TBC1D22A: variants seen among roughly 807,000 people sequenced by gnomAD.
TBC1D22A encodes the protein putative GTPase activator.
Under a neutral mutation model 60.2 loss-of-function variants are expected in TBC1D22A, and 38 were observed. The ratio of observed to expected loss-of-function variants is 0.63; its 90% CI spans 0.49 to 0.83. TBC1D22A has a LOEUF of 0.83. Ranked by LOEUF, TBC1D22A falls within the 40% of genes least tolerant of loss-of-function variation. The probability of loss-of-function intolerance (pLI) is 0.00; values close to 1 mark genes in which losing one functional copy is unlikely to be tolerated. For synonymous variants in TBC1D22A, 302 were observed against 281.7 expected, an observed-to-expected ratio of 1.07 and a Z score of -0.72; for missense variants, 628 against 701.0, an observed-to-expected ratio of 0.90 and a Z score of 1.18.
chr22:47,090,252 T>C (rs1569435524), intron 11 of TBC1D22A, among the ~76,000 whole-genome samples: 4 of 152,152 alleles, frequency 2.6e-5, no homozygotes, highest in Admixed American at 6.5e-5. Flanking sequence ...CGCCAGCTCA[T>C]GTCTCCACCC....
rs2074911221 is a variant in TBC1D22A at position 46,990,824 on chromosome 22, G to T, written c.1126-6810G>T. ...GTCTCCCTCCCGCGCCGGCGTTCGT[G>T]ACGGCTCTGCTCCTCGCCGTGTGCG... On this transcript the variant is annotated intron_variant, in intron 9 of 12. Coordinates refer to ENST00000337137, the MANE Select transcript of TBC1D22A (RefSeq NM_014346.5). The surrounding 1 kb of genome is among the most constrained non-coding windows in gnomAD (Gnocchi z 4.6). Among the ~76,000 whole-genome samples, 1 of 152,230 alleles carries T rather than the reference G, an allele frequency of 6.6e-6. No individual in the cohort carries two copies. Among genetic ancestry groups the T allele is most frequent in the African/African-American group, 2.4e-5 (1 of 41,452 alleles).
At chr22:46,767,263 G>A (rs772895727) in intron 1 of TBC1D22A, among the ~76,000 whole-genome samples, 70 of 152,232 alleles carry the variant, frequency 4.6e-4, no homozygotes, top group Non-Finnish European at 8.4e-4. Context: ...TTCTTTTTCC[G>A]GTAGTGGTCT....
At chr22:47,152,885 C>T (rs936479449) in intron 12 of TBC1D22A, among the ~76,000 whole-genome samples, 9 of 151,988 alleles carry the variant, frequency 5.9e-5, no homozygotes, top group African/African-American at 2.2e-4. Flanking sequence ...AAGGGAGACC[C>T]CCTGAGAGCG....
At chr22:46,840,650 T>G (rs1041204193) in intron 4 of TBC1D22A, among the ~76,000 whole-genome samples, 1 of 152,030 alleles carries the variant, frequency 6.6e-6, no homozygotes, top group Admixed American at 6.5e-5. Flanking sequence ...GGAGAATGGC[T>G]TGAACCCAGA....
chr22:47,008,307 C>G (rs2061651423), intron 10 of TBC1D22A, among the ~76,000 whole-genome samples: 1 of 152,188 alleles, frequency 6.6e-6, no homozygotes, highest in South Asian at 2.1e-4. Flanking sequence ...ATCTTGGGGT[C>G]AGGTGCCCTT....
chr22:46,890,073 C>T (rs12168271), intron 5 of TBC1D22A, among the ~76,000 whole-genome samples: 2,202 of 152,268 alleles, frequency 0.014, 67 homozygotes, highest in African/African-American at 0.049. Context: ...AAGGCCGGCA[C>T]GGTGGCCCAC....
chr22:46,819,732 G>C (rs62233850), intron 4 of TBC1D22A, among the ~76,000 whole-genome samples: 152,368 of 152,368 alleles, frequency 1, 76,184 homozygotes, highest in Non-Finnish European at 1. Flanking sequence ...GTTTTGGACT[G>C]AGGATGATGC....
At chr22:46,935,691 G>A (rs973393843) in intron 8 of TBC1D22A, among the ~76,000 whole-genome samples, 10 of 152,226 alleles carry the variant, frequency 6.6e-5, no homozygotes, top group African/African-American at 2.4e-4. Context: ...GAACCAGTTA[G>A]ACTTCCTCCC....
intron 11 of TBC1D22A, among the ~76,000 whole-genome samples, chr22:47,061,167 C>T (rs1001412963): frequency 4.7e-5 from 7 of 148,596 alleles, no homozygotes; most frequent in African/African-American, 1.2e-4. Context: ...GCCCTCACCA[C>T]GGTCCTGGAA....
At chr22:46,947,523 A>C (rs909466149) in intron 8 of TBC1D22A, among the ~76,000 whole-genome samples, 3 of 152,186 alleles carry the variant, frequency 2.0e-5, no homozygotes, top group Non-Finnish European at 4.4e-5. Flanking sequence ...AGGCAGGTCT[A>C]TAGCTGCCCC....
intron 7 of TBC1D22A, among the ~76,000 whole-genome samples, chr22:46,908,675 G>C (rs1178130991): frequency 1.3e-5 from 2 of 152,216 alleles, no homozygotes; most frequent in East Asian, 1.9e-4. Flanking sequence ...GCGTCCCGGA[G>C]TCTGGGTGGG....
In TBC1D22A at chr22:47,100,270, G is replaced by T. The variant is rs556846884; in HGVS notation, c.1330-11238G>T. 1.4e-4 allele frequency among the ~76,000 whole-genome samples: 22 copies of T among 151,802 alleles called. No individual in the cohort carries two copies. In the Middle Eastern group the frequency reaches 0.01, roughly 71 times the overall value. ...TGGAGTGCAAGGGTGAGGCCTCAGGGCACAAGAGTGAGGCTGTGGAGTGCA... is the reference window on the plus strand; with the variant it reads ...TGGAGTGCAAGGGTGAGGCCTCAGGTCACAAGAGTGAGGCTGTGGAGTGCA... On this transcript the variant is annotated intron_variant, in intron 11 of 12. Coordinates refer to ENST00000337137, the MANE Select transcript of TBC1D22A (RefSeq NM_014346.5).
intron 9 of TBC1D22A, among the ~76,000 whole-genome samples, chr22:46,981,511 G>A (rs1187739018): frequency 1.3e-5 from 2 of 152,204 alleles, no homozygotes; most frequent in African/African-American, 4.8e-5. Flanking sequence ...CAGAGACCAG[G>A]TGGAGCTGAT....
intron 8 of TBC1D22A, among the ~76,000 whole-genome samples, chr22:46,957,315 A>G (rs968603975): frequency 2.2e-4 from 33 of 152,226 alleles, no homozygotes; most frequent in South Asian, 2.1e-4. Context: ...ATTATAAAGG[A>G]AAGAGGTTTA....
intron 4 of TBC1D22A, among the ~76,000 whole-genome samples, chr22:46,868,941 G>A (rs1269115201): frequency 1.7e-4 from 17 of 98,548 alleles, no homozygotes; most frequent in Non-Finnish European, 5.5e-5. Context: ...GTAGGAGTAG[G>A]TGGGGGGTGC....
chr22:47,108,187 G>C (rs1208380021), intron 11 of TBC1D22A, among the ~76,000 whole-genome samples: 3 of 152,222 alleles, frequency 2.0e-5, no homozygotes, highest in Admixed American at 1.3e-4. Context: ...TGATCCAGCT[G>C]TTCTATTCCT....
intron 4 of TBC1D22A, among the ~76,000 whole-genome samples, chr22:46,840,282 A>G (rs1010670339): frequency 6.6e-6 from 1 of 152,354 alleles, no homozygotes; most frequent in African/African-American, 2.4e-5. Flanking sequence ...AAATAACCTG[A>G]TGAAAAAGTG....
intron 8 of TBC1D22A, among the ~76,000 whole-genome samples, chr22:46,930,230 ACACTGGTTTTGGTG>A (rs2071279872): frequency 6.6e-6 from 1 of 152,130 alleles, no homozygotes; most frequent in Non-Finnish European, 1.5e-5. Flanking sequence ...TGTTACCAAT[ACACTGGTTTTGGTG>A]AAGCATTTTG....
intron 10 of TBC1D22A, among the ~76,000 whole-genome samples, chr22:47,006,041 T>TAC (rs372207690): frequency 6.3e-4 from 96 of 151,988 alleles, no homozygotes; most frequent in African/African-American, 2.1e-3. Flanking sequence ...CACATGCCTT[T>TAC]ACACACACAC....
Sources: allele counts gnomAD v4.1 joint callset (sites outside exome capture counted in the v4.1 genomes callset), GRCh38; gene constraint gnomAD v4.1.1; non-coding constraint Gnocchi (gnomAD v3.1); transcripts MANE v1.5; gene names NCBI Gene and HGNC (gene_info 2026-07-23, HGNC 2026-07-21).